TTC34: variants seen among roughly 807,000 people sequenced by gnomAD.
TTC34 encodes tetratricopeptide repeat domain 34, also known as tetratricopeptide repeat protein 34.
In TTC34, 44 loss-of-function variants were observed where a neutral mutation model predicts 40.7. That is an observed-to-expected ratio of 1.08 (90% CI 0.85 to 1.39). The LOEUF (loss-of-function observed/expected upper bound fraction) is 1.39. TTC34 is among the 40% of genes most tolerant of loss of function. TTC34 has a pLI of 0.00. For missense variants in TTC34, 884 were observed against 838.0 expected (o/e 1.05, Z -0.68); for synonymous variants, 422 against 398.6 (o/e 1.06, Z -0.70).
chr1:2,684,925 T>G, intron 6 of TTC34, among the ~76,000 whole-genome samples: 1 of 121,244 alleles, frequency 8.2e-6, no homozygotes. Context: ...CACACCCAGG[T>G]GAGCATCCGA....
rs181962938 is a variant in TTC34, at chr1:2,782,817, C to T, written c.2226+792G>A. On this transcript the variant is annotated intron_variant, in intron 6 of 8. Coordinates refer to ENST00000401095, the Ensembl canonical transcript of TTC34. ...CTGGGGAGGTGAAGTGATTCGGCTGCGGTTGCTTAGCTGGACCCAACTCTT... is the reference window on the plus strand; with the variant it reads ...CTGGGGAGGTGAAGTGATTCGGCTGTGGTTGCTTAGCTGGACCCAACTCTT... 7.4e-4 allele frequency among the ~76,000 whole-genome samples: 112 copies of T among 152,284 alleles called. 1 individual carries two copies. Among genetic ancestry groups the T allele is most frequent in the Admixed American group, 5.8e-3 (89 of 15,300 alleles).
chr1:2,792,084 A>G (rs1431804963), intron 2 of TTC34, among the ~76,000 whole-genome samples: 1 of 131,754 alleles, frequency 7.6e-6, no homozygotes, highest in Non-Finnish European at 1.5e-5. Context: ...TGGTGTAAAT[A>G]CGGCTCACTG....
chr1:2,769,816 G>A (rs1378389238), intron 6 of TTC34, among the ~76,000 whole-genome samples: 1 of 124,580 alleles, frequency 8.0e-6, no homozygotes, highest in Admixed American at 7.6e-5. Context: ...CTGACAGCCT[G>A]GAGCAGGCGC....
intron 6 of TTC34, among the ~76,000 whole-genome samples, chr1:2,748,659 C>T (rs1204590631): frequency 3.3e-5 from 1 of 30,106 alleles, no homozygotes; most frequent in Non-Finnish European, 6.2e-5. Flanking sequence ...GAGCATCTGA[C>T]AGCCTGGAGC....
At chr1:2,775,499 A>C (rs985163322) in intron 6 of TTC34, 1 of 146,522 alleles carries the variant, frequency 6.8e-6, no homozygotes, top group Non-Finnish European at 1.5e-5. Context: ...ACAGCCTGAA[A>C]CAGCACCCTC....
In TTC34 at chr1:2,692,442, C is replaced by T. The variant is rs1242340182; in HGVS notation, c.2227-46879G>A. On this transcript the variant is annotated intron_variant, in intron 6 of 8. Transcript: ENST00000401095. ...CCCACACCCCCAGGTGAGCATCTGA[C>T]TGCCTGGAGCAGCACCCACACCCCC... Among the ~76,000 whole-genome samples, 4 of 80,688 alleles carry T rather than the reference C, an allele frequency of 5.0e-5. 1 individual carries two copies. The highest frequency in any genetic ancestry group is 1.2e-4 in the African/African-American group (3 of 24,230). The allele number at this position is 80,688 out of a possible 152,430, so 52.9% of individuals were successfully genotyped here. A position where few individuals can be genotyped will look rare whatever the true frequency, so the allele number is the denominator to read the frequency against.
chr1:2,691,035 C>A (rs1254304547), intron 6 of TTC34, among the ~76,000 whole-genome samples: 1 of 84,098 alleles, frequency 1.2e-5, no homozygotes, highest in African/African-American at 3.8e-5. Flanking sequence ...AGGCGAGCAT[C>A]TGACAGCCTC....
intron 6 of TTC34, among the ~76,000 whole-genome samples, chr1:2,752,986 C>A (rs1641375071): frequency 3.4e-5 from 5 of 146,052 alleles, no homozygotes; most frequent in African/African-American, 1.0e-4. Flanking sequence ...CCCAGGTGAG[C>A]ATCTGACCGC....
chr1:2,683,345 C>A (rs557785912), intron 6 of TTC34, among the ~76,000 whole-genome samples: 1 of 148,434 alleles, frequency 6.7e-6, no homozygotes, highest in East Asian at 2.0e-4. Context: ...GGAACACCAC[C>A]CTGCACCCCC....
chr1:2,655,137 C>A (rs76602757), intron 6 of TTC34, among the ~76,000 whole-genome samples: 653 of 100,328 alleles, frequency 6.5e-3, no homozygotes, highest in East Asian at 8.8e-3. Flanking sequence ...CCGACACCCC[C>A]AGGTGAGCAT....
intron 5 of TTC34, among the ~76,000 whole-genome samples, chr1:2,785,222 A>G (rs950121276): frequency 6.0e-5 from 9 of 150,886 alleles, no homozygotes; most frequent in African/African-American, 2.2e-4. Flanking sequence ...GGAGAGGAGG[A>G]TGAGGGGTGC....
At chr1:2,682,946 C>T (rs1332578196) in intron 6 of TTC34, among the ~76,000 whole-genome samples, 671 of 136,108 alleles carry the variant, frequency 4.9e-3, no homozygotes, top group Admixed American at 8.0e-3. Flanking sequence ...GAACAGCACC[C>T]ACACCCCCAG....
At chr1:2,688,306 A>G (rs1640464735) in intron 6 of TTC34, among the ~76,000 whole-genome samples, 1 of 118,792 alleles carries the variant, frequency 8.4e-6, no homozygotes, top group South Asian at 3.0e-4. Flanking sequence ...CGAGCATCTG[A>G]CAGCCTGGAG....
At chr1:2,787,727 G>A (rs751625261) in intron 3 of TTC34, 21 bp from the exon 4 acceptor site, 138 of 1,507,738 alleles carry the variant, frequency 9.2e-5, no homozygotes, top group Non-Finnish European at 1.1e-4. Flanking sequence ...ATCAGCTCAG[G>A]GGGGCATGCC....
chr1:2,786,575 A>G (rs1643592328), intron 4 of TTC34, among the ~76,000 whole-genome samples: 1 of 152,134 alleles, frequency 6.6e-6, no homozygotes, highest in Non-Finnish European at 1.5e-5. Flanking sequence ...TCTCCATCCC[A>G]TGGAGGTGGA....
chr1:2,758,289 C>A, intron 6 of TTC34, among the ~76,000 whole-genome samples: 1 of 113,302 alleles, frequency 8.8e-6, no homozygotes, highest in East Asian at 2.7e-4. Context: ...AGGCGAGCAT[C>A]TGACAACCTG....
At chr1:2,765,674 A>G in intron 6 of TTC34, among the ~76,000 whole-genome samples, 1 of 22,208 alleles carries the variant, frequency 4.5e-5, no homozygotes, top group African/African-American at 6.6e-4. Flanking sequence ...CAGCACCCAT[A>G]CCCCCAGGCG....
chr1:2,748,772 C>A lies in TTC34; in HGVS notation c.2226+34837G>T, dbSNP rs1641226538. ...AACAGCACCCACACCCCTAGGAGAG[C>A]ATCCGGCAGCCTGGAGCGGAACCCA... On this transcript the variant is annotated intron_variant, in intron 6 of 8. Transcript: ENST00000401095. 1.5e-5 allele frequency among the ~76,000 whole-genome samples: 2 copies of A among 137,492 alleles called. 1 individual carries two copies. The highest frequency in any genetic ancestry group is 3.1e-5 in the Non-Finnish European group (2 of 65,314). 90.2% of individuals were successfully genotyped at this position (137,492 alleles called of 152,430 possible). A position where few individuals can be genotyped will look rare whatever the true frequency, so the allele number is the denominator to read the frequency against.
At chr1:2,700,175 C>T (rs374510719) in intron 6 of TTC34, among the ~76,000 whole-genome samples, 3 of 100,764 alleles carry the variant, frequency 3.0e-5, no homozygotes, top group Admixed American at 1.1e-4. Context: ...CATACTCCCC[C>T]AGGTGAGCAT....
Sources: allele counts gnomAD v4.1 joint callset (sites outside exome capture counted in the v4.1 genomes callset), GRCh38; gene constraint gnomAD v4.1.1; transcripts MANE v1.5; gene names NCBI Gene and HGNC (gene_info 2026-07-23, HGNC 2026-07-21).